Variants in DOCK3 observed in about 807,000 individuals in gnomAD.
DOCK3 encodes the protein dedicator of cytokinesis protein 3.
A neutral mutation model predicts 265.6 loss-of-function variants in DOCK3; 60 were observed. The observed-to-expected ratio is 0.23, with a 90% CI of 0.18 to 0.28. DOCK3 has a LOEUF of 0.28. Ranked by LOEUF, DOCK3 falls within the 10% of genes least tolerant of loss-of-function variation. The pLI, the probability that DOCK3 is intolerant of heterozygous loss-of-function variation, is 1.00. For synonymous variants in DOCK3, 881 were observed against 938.0 expected, an observed-to-expected ratio of 0.94 and a Z score of 1.11; for missense variants, 1,981 against 2,594.3, an observed-to-expected ratio of 0.76 and a Z score of 5.14.
intron 3 of DOCK3, among the ~76,000 whole-genome samples, chr3:50,882,139 C>G (rs1012861716): frequency 6.6e-6 from 1 of 152,030 alleles, no homozygotes; most frequent in African/African-American, 2.4e-5. Flanking sequence ...AGACTTAAAC[C>G]TTAGACCTAA....
At chr3:51,289,049 T>C (rs564142621) in intron 27 of DOCK3, among the ~76,000 whole-genome samples, 2 of 151,610 alleles carry the variant, frequency 1.3e-5, no homozygotes, top group Non-Finnish European at 2.9e-5. Flanking sequence ...AGTGACAAAA[T>C]AGAGAAACAG....
At chr3:50,738,131 G>A (rs984494829) in intron 1 of DOCK3, among the ~76,000 whole-genome samples, 17 of 152,182 alleles carry the variant, frequency 1.1e-4, no homozygotes, top group Admixed American at 9.8e-4. Flanking sequence ...TATAGTCGTT[G>A]GGTGGGATGG....
chr3:51,051,245 A>G, intron 5 of DOCK3, among the ~76,000 whole-genome samples: 1 of 152,248 alleles, frequency 6.6e-6, no homozygotes, highest in East Asian at 1.9e-4. Context: ...AATTAAGAAC[A>G]TGGTTACCTG....
intron 5 of DOCK3, among the ~76,000 whole-genome samples, chr3:50,963,874 A>G (rs1396332240): frequency 6.6e-6 from 1 of 152,212 alleles, no homozygotes; most frequent in Non-Finnish European, 1.5e-5. Context: ...GGCCGGACAC[A>G]GTACTGAAGA....
At position 50,955,728 on chromosome 3, in the gene DOCK3, T is replaced by C. The variant is rs146440148; in HGVS notation, c.315+21651T>C. ...AGAGGAGCGTAGAAAGAATAACTAT[T>C]GGGCACTAGGCTTAGAACCCGGGTG... On this transcript the variant is annotated intron_variant, in intron 5 of 52. Coordinates refer to ENST00000266037, the MANE Select transcript of DOCK3 (RefSeq NM_004947.5). Among the ~76,000 whole-genome samples the C allele has an allele frequency of 5.0e-3, 768 of 152,190 alleles. 9 individuals are homozygous for C. The highest frequency in any genetic ancestry group is 0.016 in the African/African-American group (667 of 41,520).
intron 5 of DOCK3, among the ~76,000 whole-genome samples, chr3:50,966,035 T>C (rs2077020438): frequency 6.6e-6 from 1 of 152,128 alleles, no homozygotes. Flanking sequence ...GAGTTCTTTT[T>C]TTTTTTTTGA....
At position 51,052,494 on chromosome 3, in the gene DOCK3, T is replaced by G. The variant is rs2081031129; in HGVS notation, c.316-11954T>G. ...CAACCTAGGCAGCAGAGCAAGACCC[T>G]GTCTAAAAAATGAATGAATGAATGG... is the stretch of plus-strand genomic sequence containing the variant. On this transcript the variant is annotated intron_variant, in intron 5 of 52. Coordinates refer to ENST00000266037, the MANE Select transcript of DOCK3 (RefSeq NM_004947.5). 4.6e-5 allele frequency among the ~76,000 whole-genome samples: 7 copies of G among 152,258 alleles called. No homozygotes were observed. The South Asian group carries it at 1.5e-3, about 32-fold the overall frequency.
intron 9 of DOCK3, among the ~76,000 whole-genome samples, chr3:51,120,821 A>G (rs1205767381): frequency 6.6e-6 from 1 of 152,146 alleles, no homozygotes; most frequent in Admixed American, 6.5e-5. Flanking sequence ...TCCTGCCACC[A>G]AGCTCGAGCA....
chr3:50,786,454 G>A (rs2042189502), intron 2 of DOCK3, among the ~76,000 whole-genome samples: 1 of 152,110 alleles, frequency 6.6e-6, no homozygotes, highest in Admixed American at 6.5e-5. Context: ...ACTCTTAGTG[G>A]AGGCCAAGGA....
chr3:50,989,584 G>A (rs2078031283), intron 5 of DOCK3, among the ~76,000 whole-genome samples: 1 of 152,194 alleles, frequency 6.6e-6, no homozygotes, highest in African/African-American at 2.4e-5. Flanking sequence ...GAAAGAAGAA[G>A]TCAGCTTCAA....
chr3:50,964,691 T>G (rs2076978860), intron 5 of DOCK3, among the ~76,000 whole-genome samples: 1 of 151,864 alleles, frequency 6.6e-6, no homozygotes, highest in Non-Finnish European at 1.5e-5. Context: ...GGACAGGAGG[T>G]AGATGAAATA....
At chr3:51,257,779 A>G (rs1375154992) in intron 22 of DOCK3, among the ~76,000 whole-genome samples, 2 of 152,242 alleles carry the variant, frequency 1.3e-5, no homozygotes, top group African/African-American at 4.8e-5. Context: ...TCTACACAGT[A>G]TTAGGAGCAC....
intron 23 of DOCK3, among the ~76,000 whole-genome samples, chr3:51,264,596 G>A (rs2108802611): frequency 6.6e-6 from 1 of 152,198 alleles, no homozygotes; most frequent in South Asian, 2.1e-4. Flanking sequence ...GGGAGGCTGA[G>A]GCGGGCAGAT....
At chr3:51,260,972 A>T (rs1292708809) in intron 23 of DOCK3, among the ~76,000 whole-genome samples, 2 of 152,126 alleles carry the variant, frequency 1.3e-5, no homozygotes, top group African/African-American at 4.8e-5. Flanking sequence ...CAACAGACTG[A>T]GACTCTGTCT....
In DOCK3 at chr3:51,384,123, C is replaced by T. The variant is rs2088832841; in HGVS notation, c.*2564C>T. The T allele has an allele frequency of 6.6e-6, 1 of 152,574 alleles. No individual in the cohort carries two copies. Among genetic ancestry groups the T allele is most frequent in the South Asian group, 2.1e-4 (1 of 4,832 alleles). 9.5% of individuals were successfully genotyped at this position (152,574 alleles called of 1,614,324 possible). On this transcript the variant is annotated 3_prime_UTR_variant, in exon 53 of 53. Coordinates refer to ENST00000266037, the MANE Select transcript of DOCK3 (RefSeq NM_004947.5). ...GTGAATTTTAGATGTAAATATCTGC[C>T]ACTTGATTTTTTTTCCCCCTTTCCC... is the stretch of plus-strand genomic sequence containing the variant.
chr3:50,906,366 A>C (rs1248180503), intron 4 of DOCK3, among the ~76,000 whole-genome samples: 1 of 151,882 alleles, frequency 6.6e-6, no homozygotes, highest in Non-Finnish European at 1.5e-5. Context: ...ACCTCTGGTC[A>C]AATTTGGCTG....
intron 5 of DOCK3, among the ~76,000 whole-genome samples, chr3:50,981,761 A>G (rs1192577330): frequency 6.6e-6 from 1 of 152,226 alleles, no homozygotes; most frequent in Non-Finnish European, 1.5e-5. Context: ...ATGTAAGTAT[A>G]GCTATTCCTG....
chr3:51,374,718 C>A lies in DOCK3; in HGVS notation c.5412+131C>A. ...TTCCGCTGTAAGATCCCGCAAAAGG[C>A]CGCTGGGCTTCTGGATGTGGAGTGC... On this transcript the variant is annotated intron_variant, in intron 50 of 52. Coordinates refer to ENST00000266037, the MANE Select transcript of DOCK3 (RefSeq NM_004947.5). The surrounding 1 kb of genome is among the most constrained non-coding windows in gnomAD (Gnocchi z 4.8). 3.4e-6 allele frequency: 3 copies of A among 872,566 alleles called. No individual in the cohort carries two copies. Among genetic ancestry groups the A allele is most frequent in the Non-Finnish European group, 3.6e-6 (2 of 559,512 alleles). The allele number at this position is 872,566 out of a possible 1,614,324, so 54.1% of individuals were successfully genotyped here. A position where few individuals can be genotyped will look rare whatever the true frequency, so the allele number is the denominator to read the frequency against.
At chr3:50,803,963 G>A (rs2043231684) in intron 2 of DOCK3, among the ~76,000 whole-genome samples, 1 of 151,640 alleles carries the variant, frequency 6.6e-6, no homozygotes, top group African/African-American at 2.4e-5. Flanking sequence ...GCCGGGCAGA[G>A]GGGCTCCTCA....
Sources: gnomAD v4.1 joint callset for allele counts (sites outside exome capture counted in the v4.1 genomes callset) on GRCh38, gnomAD v4.1.1 for gene constraint, Gnocchi (gnomAD v3.1) non-coding constraint, MANE v1.5 for transcripts, NCBI Gene and HGNC (gene_info 2026-07-23, HGNC 2026-07-21) for gene names.